SFN: variants seen among roughly 807,000 people sequenced by gnomAD.
SFN encodes 14-3-3 protein sigma.
Under a neutral mutation model 19.1 loss-of-function variants are expected in SFN, and 5 were observed. The observed-to-expected ratio is 0.26, with a 90% confidence interval of 0.14 to 0.55. The LOEUF is 0.55. SFN is among the 20% of genes least tolerant of loss of function. SFN has a pLI of 0.94. For synonymous variants in SFN, 130 were observed against 140.9 expected (o/e 0.92, Z 0.55); for missense variants, 287 against 330.0 (o/e 0.87, Z 1.01).
In SFN at chr1:26,864,157, C is replaced by A; in HGVS notation, c.*198C>A. On this transcript the variant is annotated 3_prime_UTR_variant, in exon 1 of 1. Transcript: ENST00000339276. This position sits in a 1 kb window ranked among gnomAD's most constrained non-coding sequence, Gnocchi z 5.2. Reference sequence around the variant, plus strand: ...TCTTGCAGCTGTTGAGCGCACCTAACCACTGGTCATGCCCCCACCCCTGCT... The same window carrying A: ...TCTTGCAGCTGTTGAGCGCACCTAAACACTGGTCATGCCCCCACCCCTGCT... The A allele has an allele frequency of 1.7e-6, 1 of 603,524 alleles. No individual in the cohort carries two copies. 37.4% of individuals were successfully genotyped at this position (603,524 alleles called of 1,614,324 possible). A position where few individuals can be genotyped will look rare whatever the true frequency, so the allele number is the denominator to read the frequency against.
chr1:26,863,494 C>A lies in SFN; in HGVS notation c.282C>A (p.Gly94=), dbSNP rs774211830. The change falls in exon 1 of 1, where the codon GGC becomes GGA. Residue 94 remains glycine (G), a synonymous_variant. Transcript: ENST00000339276. This position sits in a 1 kb window ranked among gnomAD's most constrained non-coding sequence, Gnocchi z 7.4. ...YREKVETELQ[G]VCDTVLGLLD... ...AGAAGGTGGAGACTGAGCTCCAGGGCGTGTGCGACACCGTGCTGGGCCTGC... is the reference window on the plus strand; with the variant it reads ...AGAAGGTGGAGACTGAGCTCCAGGGAGTGTGCGACACCGTGCTGGGCCTGC... The A allele has an allele frequency of 1.1e-5, 17 of 1,613,830 alleles. 1 individual carries two copies. The highest frequency in any genetic ancestry group is 1.6e-4 in the Middle Eastern group (1 of 6,084).
chr1:26,864,364 T>TGCGC lies in SFN; in HGVS notation c.*412_*415dup, dbSNP rs1553159104. 2.1e-3 allele frequency: 401 copies of TGCGC among 187,102 alleles called. 2 individuals carry two copies. Among genetic ancestry groups the TGCGC allele is most frequent in the African/African-American group, 8.6e-3 (353 of 40,898 alleles). 11.6% of individuals were successfully genotyped at this position (187,102 alleles called of 1,614,324 possible). On this transcript the variant is annotated 3_prime_UTR_variant, in exon 1 of 1. Transcript: ENST00000339276. This position sits in a 1 kb window ranked among gnomAD's most constrained non-coding sequence, Gnocchi z 5.2. ...GTGTGTGTGTGTGTGTGTGTGTGTG[T>TGCGC]GCGCGCGCGCCAGTGCAAGACCGAG...
In SFN at chr1:26,863,390, A is replaced by C. The variant is rs1326385467; in HGVS notation, c.178A>C (p.Arg60=). The C allele has an allele frequency of 1.2e-6, 2 of 1,613,974 alleles. No individual in the cohort carries two copies. Among genetic ancestry groups the C allele is most frequent in the East Asian group, 4.5e-5 (2 of 44,878 alleles). Reference sequence around the variant, plus strand: ...GGTGGGCGGCCAGAGGGCTGCCTGGAGGGTGCTGTCCAGTATTGAGCAGAA... The same window carrying C: ...GGTGGGCGGCCAGAGGGCTGCCTGGCGGGTGCTGTCCAGTATTGAGCAGAA... The part of the protein sequence containing the change: ...NVVGGQRAAW[R]VLSSIEQKSN... The change falls in exon 1 of 1, where the codon AGG becomes CGG. Residue 60 remains arginine (R), a synonymous_variant. Coordinates refer to ENST00000339276, the MANE Select transcript of SFN (RefSeq NM_006142.5). The surrounding 1 kb of genome is among the most constrained non-coding windows in gnomAD (Gnocchi z 7.4).
Position 26,863,164 on chromosome 1 carries a change from G to C in SFN, c.-49G>C. ...CAGGAGAGACACAGAGTCCGGCATT[G>C]GTCCCAGGCAGCAGTTAGCCCGCCG... On this transcript the variant is annotated 5_prime_UTR_variant, in exon 1 of 1. Coordinates refer to ENST00000339276, the MANE Select transcript of SFN (RefSeq NM_006142.5). The surrounding 1 kb of genome is among the most constrained non-coding windows in gnomAD (Gnocchi z 7.4). 2 of 1,601,994 alleles carry C rather than the reference G, an allele frequency of 1.2e-6. No individual in the cohort carries two copies. Among genetic ancestry groups the C allele is most frequent in the East Asian group, 2.2e-5 (1 of 44,704 alleles).
chr1:26,864,163 G>A lies in SFN; in HGVS notation c.*204G>A, dbSNP rs182906629. 3.4e-4 allele frequency: 200 copies of A among 588,326 alleles called. No individual in the cohort carries two copies. Among genetic ancestry groups the A allele is most frequent in the Middle Eastern group, 1.8e-3 (4 of 2,190 alleles). 36.4% of individuals were successfully genotyped at this position (588,326 alleles called of 1,614,324 possible). A position where few individuals can be genotyped will look rare whatever the true frequency, so the allele number is the denominator to read the frequency against. ...AGCTGTTGAGCGCACCTAACCACTG[G>A]TCATGCCCCCACCCCTGCTCTCCGC... On this transcript the variant is annotated 3_prime_UTR_variant, in exon 1 of 1. Transcript: ENST00000339276. The surrounding 1 kb of genome is among the most constrained non-coding windows in gnomAD (Gnocchi z 5.2).
Position 26,864,058 on chromosome 1 carries a change from T to A in SFN, c.*99T>A. On this transcript the variant is annotated 3_prime_UTR_variant, in exon 1 of 1. Transcript: ENST00000339276. The surrounding 1 kb of genome is among the most constrained non-coding windows in gnomAD (Gnocchi z 5.2). ...GGCCCCACCCTTCTCCCCTAGGCGC[T>A]GTTCTTGCTCCAAAGGGCTCCGTGG... 9.1e-7 allele frequency: 1 copy of A among 1,104,158 alleles called. No individual in the cohort carries two copies. The highest frequency in any genetic ancestry group is 1.3e-6 in the Non-Finnish European group (1 of 785,848). The allele number at this position is 1,104,158 out of a possible 1,614,324, so 68.4% of individuals were successfully genotyped here. A position where few individuals can be genotyped will look rare whatever the true frequency, so the allele number is the denominator to read the frequency against.
Position 26,863,919 on chromosome 1 carries a change from G to A in SFN, c.707G>A (p.Gly236Glu). 6.2e-7 allele frequency: 1 copy of A among 1,613,824 alleles called. No individual in the cohort carries two copies. The highest frequency in any genetic ancestry group is 8.5e-7 in the Non-Finnish European group (1 of 1,179,884). ...ACACTGTGGACGGCCGACAACGCCG[G>A]GGAAGAGGGGGGCGAGGCTCCCCAG... ...NLTLWTADNA[G>E]EEGGEAPQEP... Residue 236 changes from glycine to glutamate, a missense_variant, in exon 1 of 1, where the codon GGG (glycine) becomes GAG (glutamate). Physicochemically the swap from Gly to Glu is moderately conservative, Grantham distance 98. Transcript: ENST00000339276. This position sits in a 1 kb window ranked among gnomAD's most constrained non-coding sequence, Gnocchi z 7.4.
At position 26,864,334 on chromosome 1, in the gene SFN, T is replaced by G. The variant is rs1321779066; in HGVS notation, c.*375T>G. On this transcript the variant is annotated 3_prime_UTR_variant, in exon 1 of 1. Transcript: ENST00000339276. This position sits in a 1 kb window ranked among gnomAD's most constrained non-coding sequence, Gnocchi z 5.2. ...CAGTGGCAGGGGCTGGAGATGGGTG[T>G]GTGTGTGTGTGTGTGTGTGTGTGTG... 9 of 124,498 alleles carry G rather than the reference T, an allele frequency of 7.2e-5. No individual in the cohort carries two copies. The highest frequency in any genetic ancestry group is 8.5e-5 in the African/African-American group (3 of 35,188). The allele number at this position is 124,498 out of a possible 1,614,324, so 7.7% of individuals were successfully genotyped here.
In SFN at chr1:26,863,381, G is replaced by C. The variant is rs1230924301; in HGVS notation, c.169G>C (p.Ala57Pro). Residue 57 changes from alanine (A) to proline (P), a missense_variant, in exon 1 of 1, where the codon GCT (alanine) becomes CCT (proline). Transcript: ENST00000339276. The surrounding 1 kb of genome is among the most constrained non-coding windows in gnomAD (Gnocchi z 7.4). ...TAAGAACGTGGTGGGCGGCCAGAGG[G>C]CTGCCTGGAGGGTGCTGTCCAGTAT... is the stretch of plus-strand genomic sequence containing the variant. ...AYKNVVGGQR[A>P]AWRVLSSIEQ... The C allele has an allele frequency of 7.4e-6, 12 of 1,613,868 alleles. No individual in the cohort carries two copies. Among genetic ancestry groups the C allele is most frequent in the Non-Finnish European group, 1.0e-5 (12 of 1,179,872 alleles).
rs752911202 is a variant in SFN, at chr1:26,863,837, A to C, written c.625A>C (p.Ser209Arg). 1.2e-6 allele frequency: 2 copies of C among 1,614,042 alleles called. No individual in the cohort carries two copies. The highest frequency in any genetic ancestry group is 4.5e-5 in the East Asian group (2 of 44,878). ...DEAMADLHTL[S>R]EDSYKDSTLI... ...GGCCATGGCTGATCTGCACACCCTC[A>C]GCGAGGACTCCTACAAAGACAGCAC... Residue 209 changes from serine to arginine, a missense_variant, in exon 1 of 1, where the codon AGC becomes CGC. By Grantham distance (110) the Ser-to-Arg change is moderately radical (BLOSUM62 -1). Transcript: ENST00000339276. The surrounding 1 kb of genome is among the most constrained non-coding windows in gnomAD (Gnocchi z 7.4).
rs1173948365 is a variant in SFN at position 26,863,158 on chromosome 1, G to A, written c.-55G>A. Reference sequence around the variant, plus strand: ...CAAGAGCAGGAGAGACACAGAGTCCGGCATTGGTCCCAGGCAGCAGTTAGC... The same window carrying A: ...CAAGAGCAGGAGAGACACAGAGTCCAGCATTGGTCCCAGGCAGCAGTTAGC... On this transcript the variant is annotated 5_prime_UTR_variant, in exon 1 of 1. Transcript: ENST00000339276. The surrounding 1 kb of genome is among the most constrained non-coding windows in gnomAD (Gnocchi z 7.4). 8.8e-6 allele frequency: 14 copies of A among 1,598,218 alleles called. No homozygotes were observed. Among genetic ancestry groups the A allele is most frequent in the Admixed American group, 1.7e-5 (1 of 58,776 alleles).
rs2081768935 is a variant in SFN, at chr1:26,863,429, G to A, written c.217G>A (p.Gly73Ser). 6.2e-7 allele frequency: 1 copy of A among 1,614,198 alleles called. No homozygotes were observed. Among genetic ancestry groups the A allele is most frequent in the East Asian group, 2.2e-5 (1 of 44,880 alleles). ...SSIEQKSNEEGSEEKGPEVRE... is the reference protein window; with the variant it reads ...SSIEQKSNEESSEEKGPEVRE... ...TATTGAGCAGAAAAGCAACGAGGAG[G>A]GCTCGGAGGAGAAGGGGCCCGAGGT... Residue 73 changes from glycine (G) to serine (S), a missense_variant, in exon 1 of 1, where the codon GGC (glycine) becomes AGC (serine). Transcript: ENST00000339276. The surrounding 1 kb of genome is among the most constrained non-coding windows in gnomAD (Gnocchi z 7.4).
chr1:26,863,653 C>T lies in SFN; in HGVS notation c.441C>T (p.Ala147=), dbSNP rs760333868. The T allele has an allele frequency of 7.4e-6, 12 of 1,614,084 alleles. No homozygotes were observed. In the South Asian group the frequency reaches 1.2e-4, roughly 16 times the overall value. Residue 147 remains alanine (A), a synonymous_variant, in exon 1 of 1, where the codon GCC becomes GCT. Transcript: ENST00000339276. This position sits in a 1 kb window ranked among gnomAD's most constrained non-coding sequence, Gnocchi z 7.4. ...GDDKKRIIDS[A]RSAYQEAMDI... Reference sequence around the variant, plus strand: ...ACAAGAAGCGCATCATTGACTCAGCCCGGTCAGCCTACCAGGAGGCCATGG... The same window carrying T: ...ACAAGAAGCGCATCATTGACTCAGCTCGGTCAGCCTACCAGGAGGCCATGG...
rs746458233 is a variant in SFN, at chr1:26,864,364, T to TGTGTGTGTGTGTGC, written c.*406_*407insTGTGTGTGTGTGCG. On this transcript the variant is annotated 3_prime_UTR_variant, in exon 1 of 1. Coordinates refer to ENST00000339276, the MANE Select transcript of SFN (RefSeq NM_006142.5). The surrounding 1 kb of genome is among the most constrained non-coding windows in gnomAD (Gnocchi z 5.2). ...GTGTGTGTGTGTGTGTGTGTGTGTG[T>TGTGTGTGTGTGTGC]GCGCGCGCGCCAGTGCAAGACCGAG... 3 of 186,816 alleles carry TGTGTGTGTGTGTGC rather than the reference T, an allele frequency of 1.6e-5. No individual in the cohort carries two copies. The highest frequency in any genetic ancestry group is 3.6e-5 in the Non-Finnish European group (3 of 83,330). The allele number at this position is 186,816 out of a possible 1,614,324, so 11.6% of individuals were successfully genotyped here. A position where few individuals can be genotyped will look rare whatever the true frequency, so the allele number is the denominator to read the frequency against.
Position 26,863,983 on chromosome 1 carries a change from C to G in SFN, c.*24C>G. On this transcript the variant is annotated 3_prime_UTR_variant, in exon 1 of 1. Transcript: ENST00000339276. This position sits in a 1 kb window ranked among gnomAD's most constrained non-coding sequence, Gnocchi z 7.4. The stretch of plus-strand genomic sequence containing the variant: ...GAGTGTTGCCCGCCACCGCCCCGCC[C>G]TGCCCCCTCCAGTCCCCCACCCTGC... 1 of 1,559,330 alleles carries G rather than the reference C, an allele frequency of 6.4e-7. No individual in the cohort carries two copies. The highest frequency in any genetic ancestry group is 8.7e-7 in the Non-Finnish European group (1 of 1,151,550).
In SFN at chr1:26,863,940, C is replaced by T; in HGVS notation, c.728C>T (p.Pro243Leu). 2 of 1,611,482 alleles carry T rather than the reference C, an allele frequency of 1.2e-6. No individual in the cohort carries two copies. Among genetic ancestry groups the T allele is most frequent in the Non-Finnish European group, 1.7e-6 (2 of 1,178,750 alleles). ...GCCGGGGAAGAGGGGGGCGAGGCTC[C>T]CCAGGAGCCCCAGAGCTGAGTGTTG... is the stretch of plus-strand genomic sequence containing the variant. Reference protein sequence around the residue: ...DNAGEEGGEAPQEPQS With the variant: ...DNAGEEGGEALQEPQS Residue 243 changes from proline (P) to leucine (L), a missense_variant, in exon 1 of 1, where the codon CCC becomes CTC. By Grantham distance (98) the Pro-to-Leu change is moderately conservative. Coordinates refer to ENST00000339276, the MANE Select transcript of SFN (RefSeq NM_006142.5). The surrounding 1 kb of genome is among the most constrained non-coding windows in gnomAD (Gnocchi z 7.4).
rs1487323594 is a variant in SFN at position 26,864,153 on chromosome 1, C to T, written c.*194C>T. ...CTCTTCTTGCAGCTGTTGAGCGCAC[C>T]TAACCACTGGTCATGCCCCCACCCC... On this transcript the variant is annotated 3_prime_UTR_variant, in exon 1 of 1. Transcript: ENST00000339276. This position sits in a 1 kb window ranked among gnomAD's most constrained non-coding sequence, Gnocchi z 5.2. The T allele has an allele frequency of 6.6e-6, 4 of 609,406 alleles. No individual in the cohort carries two copies. The highest frequency in any genetic ancestry group is 1.2e-5 in the Non-Finnish European group (4 of 338,520). 37.7% of individuals were successfully genotyped at this position (609,406 alleles called of 1,614,324 possible). A position where few individuals can be genotyped will look rare whatever the true frequency, so the allele number is the denominator to read the frequency against.
chr1:26,864,360 T>C lies in SFN; in HGVS notation c.*401T>C, dbSNP rs1160167841. The C allele has an allele frequency of 1.4e-5, 3 of 209,492 alleles. No homozygotes were observed. The highest frequency in any genetic ancestry group is 4.7e-5 in the African/African-American group (2 of 42,538). The allele number at this position is 209,492 out of a possible 1,614,324, so 13.0% of individuals were successfully genotyped here. On this transcript the variant is annotated 3_prime_UTR_variant, in exon 1 of 1. Coordinates refer to ENST00000339276, the MANE Select transcript of SFN (RefSeq NM_006142.5). This position sits in a 1 kb window ranked among gnomAD's most constrained non-coding sequence, Gnocchi z 5.2. ...GTGTGTGTGTGTGTGTGTGTGTGTG[T>C]GTGTGCGCGCGCGCCAGTGCAAGAC...
At position 26,863,792 on chromosome 1, in the gene SFN, G is replaced by A. The variant is rs762595295; in HGVS notation, c.580G>A (p.Ala194Thr). Residue 194 changes from alanine (A) to threonine (T), a missense_variant, in exon 1 of 1, where the codon GCC becomes ACC. Physicochemically the swap from Ala to Thr is moderately conservative, Grantham distance 58. Transcript: ENST00000339276. This position sits in a 1 kb window ranked among gnomAD's most constrained non-coding sequence, Gnocchi z 7.4. Reference protein sequence around the residue: ...ANSPEEAISLAKTTFDEAMAD... With the variant: ...ANSPEEAISLTKTTFDEAMAD... ...CAGCCCCGAGGAGGCCATCTCTCTG[G>A]CCAAGACCACTTTCGACGAGGCCAT... The A allele has an allele frequency of 6.2e-6, 10 of 1,613,864 alleles. No homozygotes were observed. Among genetic ancestry groups the A allele is most frequent in the Non-Finnish European group, 7.6e-6 (9 of 1,179,978 alleles).
Sources: allele counts gnomAD v4.1 joint callset, GRCh38; gene constraint gnomAD v4.1.1; non-coding constraint Gnocchi (gnomAD v3.1); transcripts MANE v1.5; gene names NCBI Gene and HGNC (gene_info 2026-07-23, HGNC 2026-07-21).